Variants in DDX10 observed in about 807,000 individuals in gnomAD.
DDX10 encodes the protein probable ATP-dependent RNA helicase DDX10.
A neutral mutation model predicts 104.3 loss-of-function variants in DDX10; 74 were observed. That is an observed-to-expected ratio of 0.71 (90% CI 0.59 to 0.86). DDX10 has a LOEUF of 0.86. Ranked by LOEUF, DDX10 falls within the 40% of genes least tolerant of loss-of-function variation. DDX10 has a pLI of 0.00. For missense variants in DDX10, 952 were observed against 1,040.0 expected, an observed-to-expected ratio of 0.92 and a Z score of 1.16; for synonymous variants, 351 against 353.4, an observed-to-expected ratio of 0.99 and a Z score of 0.08.
intron 13 of DDX10, among the ~76,000 whole-genome samples, chr11:108,770,267 G>T (rs1020315171): frequency 6.6e-6 from 1 of 152,070 alleles, no homozygotes; most frequent in Admixed American, 6.5e-5. Context: ...AGCCCCTGAA[G>T]CATTTATTTA....
At chr11:108,695,551 C>G (rs1045692993) in intron 9 of DDX10, among the ~76,000 whole-genome samples, 1 of 152,018 alleles carries the variant, frequency 6.6e-6, no homozygotes, top group Non-Finnish European at 1.5e-5. Context: ...CTAGGAAGTC[C>G]CCTTGGCGTT....
chr11:108,719,958 G>A, intron 12 of DDX10, 73 bp downstream of exon 12: 1 of 968,544 alleles, frequency 1.0e-6, no homozygotes, highest in Non-Finnish European at 1.6e-6. Flanking sequence ...ATTTAGAGAT[G>A]GGGTCTTGCT....
chr11:108,712,675 C>A (rs745702837), intron 10 of DDX10, among the ~76,000 whole-genome samples: 6 of 152,068 alleles, frequency 3.9e-5, no homozygotes, highest in Non-Finnish European at 5.9e-5. Flanking sequence ...CATAAACATA[C>A]ATAATTAAAC....
chr11:108,772,631 T>A (rs2094364720), intron 13 of DDX10, among the ~76,000 whole-genome samples: 1 of 152,156 alleles, frequency 6.6e-6, no homozygotes, highest in East Asian at 1.9e-4. Context: ...TTTGTGGGAA[T>A]TTGCAGCCTA....
chr11:108,717,861 A>G (rs182557435), intron 11 of DDX10, among the ~76,000 whole-genome samples: 6 of 152,278 alleles, frequency 3.9e-5, no homozygotes, highest in Admixed American at 2.0e-4. Flanking sequence ...CTTGAAAATT[A>G]AAAAATGTCT....
intron 17 of DDX10, among the ~76,000 whole-genome samples, chr11:108,931,936 A>G (rs1364933614): frequency 6.6e-6 from 1 of 151,960 alleles, no homozygotes; most frequent in African/African-American, 2.4e-5. Context: ...TCTGATATGA[A>G]TTGTTTTTAG....
chr11:108,939,024 A>G (rs1565324728), intron 17 of DDX10, among the ~76,000 whole-genome samples: 1 of 152,164 alleles, frequency 6.6e-6, no homozygotes, highest in African/African-American at 2.4e-5. Flanking sequence ...TGAGAATTTA[A>G]AAGGGAGTAG....
At chr11:108,841,642 G>A (rs369706973) in intron 15 of DDX10, among the ~76,000 whole-genome samples, 166 bp downstream of exon 15, 1 of 151,784 alleles carries the variant, frequency 6.6e-6, no homozygotes, top group Admixed American at 6.6e-5. Flanking sequence ...TCCTTTGCTG[G>A]GGGAGTCTGT....
At chr11:108,755,994 C>T (rs2094344032) in intron 13 of DDX10, among the ~76,000 whole-genome samples, 1 of 148,800 alleles carries the variant, frequency 6.7e-6, no homozygotes, top group Admixed American at 6.7e-5. Context: ...TCCCTCTTTC[C>T]CTCTTTTTCT....
At chr11:108,908,530 A>G (rs1360089931) in intron 16 of DDX10, among the ~76,000 whole-genome samples, 3 of 152,350 alleles carry the variant, frequency 2.0e-5, no homozygotes, top group African/African-American at 4.8e-5. Context: ...TGAATGCTGT[A>G]TGGCATGTAG....
intron 15 of DDX10, among the ~76,000 whole-genome samples, chr11:108,845,403 C>G (rs919872260): frequency 6.6e-6 from 1 of 152,148 alleles, no homozygotes; most frequent in Admixed American, 6.5e-5. Context: ...TATACTACTA[C>G]TATAATGACA....
chr11:108,910,361 A>G (rs1053071178), intron 16 of DDX10, among the ~76,000 whole-genome samples: 14 of 152,236 alleles, frequency 9.2e-5, no homozygotes, highest in African/African-American at 3.4e-4. Context: ...TGGGAACAAT[A>G]AATCTTTTTG....
chr11:108,747,475 G>A (rs1325659764), intron 13 of DDX10, among the ~76,000 whole-genome samples: 1 of 152,132 alleles, frequency 6.6e-6, no homozygotes, highest in Non-Finnish European at 1.5e-5. Context: ...TTTCTGTAGG[G>A]TAGGCTGAGG....
intron 13 of DDX10, among the ~76,000 whole-genome samples, chr11:108,742,893 A>G (rs1299530940): frequency 1.3e-5 from 2 of 152,190 alleles, no homozygotes; most frequent in African/African-American, 2.4e-5. Context: ...TGAATCAGTA[A>G]TAAAAAGTCT....
rs147872521 is a variant in DDX10 at position 108,934,915 on chromosome 11, G to A, written c.2451-5331G>A. On this transcript the variant is annotated intron_variant, in intron 17 of 17. Transcript: ENST00000322536. ...GAGTGTTCTGGGGGTGCTCCCACAC[G>A]TGACACTCTCCTCTGTTAACTCCGC... Among the ~76,000 whole-genome samples the A allele has an allele frequency of 2.0e-3, 311 of 152,244 alleles. 1 individual carries two copies. Among genetic ancestry groups the A allele is most frequent in the African/African-American group, 7.2e-3 (299 of 41,528 alleles).
At chr11:108,670,705 C>T (rs1476326026) in intron 1 of DDX10, among the ~76,000 whole-genome samples, 1 of 152,110 alleles carries the variant, frequency 6.6e-6, no homozygotes, top group African/African-American at 2.4e-5. Context: ...GTTAGTTCAG[C>T]AGCTGTTTTT....
At chr11:108,835,089 G>C (rs1862535745) in intron 13 of DDX10, among the ~76,000 whole-genome samples, 2 of 152,266 alleles carry the variant, frequency 1.3e-5, no homozygotes, top group African/African-American at 4.8e-5. Context: ...GCTGACAGAA[G>C]TGGGGGTCTT....
At chr11:108,872,829 CT>C (rs1244390118) in intron 16 of DDX10, among the ~76,000 whole-genome samples, 21 of 150,988 alleles carry the variant, frequency 1.4e-4, no homozygotes, top group African/African-American at 3.9e-4. Context: ...TTCCCCCCCC[CT>C]CCCATTTCCC....
intron 16 of DDX10, among the ~76,000 whole-genome samples, chr11:108,861,365 G>A (rs1193334489): frequency 6.6e-6 from 1 of 152,108 alleles, no homozygotes; most frequent in African/African-American, 2.4e-5. Flanking sequence ...GGACGGGTGA[G>A]TGTGTTTCTC....
Sources: gnomAD v4.1 joint callset for allele counts (sites outside exome capture counted in the v4.1 genomes callset) on GRCh38, gnomAD v4.1.1 for gene constraint, MANE v1.5 for transcripts, NCBI Gene and HGNC (gene_info 2026-07-23, HGNC 2026-07-21) for gene names.